Variants in TNS3 observed in about 807,000 individuals in gnomAD.
TNS3 encodes tensin-3.
In TNS3, 45 loss-of-function variants were observed where a neutral mutation model predicts 140.9. The observed-to-expected ratio is 0.32, with a 90% CI of 0.25 to 0.41. The LOEUF (loss-of-function observed/expected upper bound fraction) is 0.41. Ranked by LOEUF, TNS3 falls within the 10% of genes least tolerant of loss-of-function variation. The pLI, the probability that TNS3 is intolerant of heterozygous loss-of-function variation, is 1.00. For synonymous variants in TNS3, 815 were observed against 788.4 expected, an observed-to-expected ratio of 1.03 and a Z score of -0.56; for missense variants, 1,716 against 1,906.7, an observed-to-expected ratio of 0.90 and a Z score of 1.86.
At chr7:47,451,484 G>A (rs959718898) in intron 4 of TNS3, among the ~76,000 whole-genome samples, 4 of 152,150 alleles carry the variant, frequency 2.6e-5, no homozygotes, top group Non-Finnish European at 5.9e-5. Context: ...CAGAGGCTAA[G>A]GCAGGAAAAT....
At chr7:47,401,859 C>T (rs989730752) in intron 13 of TNS3, among the ~76,000 whole-genome samples, 1 of 152,248 alleles carries the variant, frequency 6.6e-6, no homozygotes, top group Non-Finnish European at 1.5e-5. Context: ...CCCCAGAAGG[C>T]CGAAGGCCCT....
intron 10 of TNS3, among the ~76,000 whole-genome samples, chr7:47,415,660 A>G (rs975569102): frequency 6.6e-6 from 1 of 152,214 alleles, no homozygotes; most frequent in Admixed American, 6.5e-5. Flanking sequence ...CTTTCTGCTC[A>G]TACTCGAGAG....
intron 4 of TNS3, among the ~76,000 whole-genome samples, chr7:47,445,422 A>C (rs1011148238): frequency 6.6e-6 from 1 of 152,188 alleles, no homozygotes; most frequent in African/African-American, 2.4e-5. Flanking sequence ...GGAATCCCAC[A>C]GTTAAGCTGC....
At chr7:47,487,550 C>T (rs1401387017) in intron 3 of TNS3, among the ~76,000 whole-genome samples, 1 of 152,028 alleles carries the variant, frequency 6.6e-6, no homozygotes. Context: ...ATGAAACGGG[C>T]GTTCCACAAA....
At chr7:47,353,807 A>G (rs145531008) in intron 17 of TNS3, among the ~76,000 whole-genome samples, 2,152 of 152,106 alleles carry the variant, frequency 0.014, 52 homozygotes, top group African/African-American at 0.049. Context: ...AAGGGGCCTC[A>G]CCCTACAACC....
chr7:47,296,128 C>A (rs1345205213), intron 24 of TNS3, among the ~76,000 whole-genome samples: 1 of 151,146 alleles, frequency 6.6e-6, no homozygotes, highest in East Asian at 1.9e-4. Flanking sequence ...AGCATGGTAG[C>A]ACACAAAGAT....
chr7:47,546,998 A>G (rs60912573), intron 1 of TNS3, among the ~76,000 whole-genome samples: 5,629 of 152,320 alleles, frequency 0.037, 353 homozygotes, highest in African/African-American at 0.13. Context: ...GAACACCCTG[A>G]GCTGTGGCCT....
chr7:47,413,990 C>T lies in TNS3; in HGVS notation c.594G>A (p.Arg198=). ...TPNFDTGGVC[R]PFLKLYQAMQ... is the part of the protein sequence containing the mutation. ...TGGCTTGGTAGAGCTTCAGAAAGGG[C>T]CGGCACACTGAAAGAAAGGCACAAC... is the stretch of plus-strand genomic sequence containing the variant. The change falls in exon 12 of 31, where the codon CGG becomes CGA. Residue 198 remains arginine, a synonymous_variant. Transcript: ENST00000311160. 6.2e-7 allele frequency: 1 copy of T among 1,613,758 alleles called. No homozygotes were observed. Among genetic ancestry groups the T allele is most frequent in the Non-Finnish European group, 8.5e-7 (1 of 1,179,936 alleles).
intron 1 of TNS3, among the ~76,000 whole-genome samples, chr7:47,561,693 A>C (rs1019112412): frequency 1.3e-5 from 2 of 152,186 alleles, no homozygotes; most frequent in Non-Finnish European, 2.9e-5. Context: ...TAGAATGAAA[A>C]ACATGGCCAC....
At chr7:47,376,939 C>T (rs548516401) in intron 16 of TNS3, among the ~76,000 whole-genome samples, 11 of 152,308 alleles carry the variant, frequency 7.2e-5, no homozygotes, top group African/African-American at 1.9e-4. Flanking sequence ...GTTAGTGGAT[C>T]GGGTGCTGTT....
chr7:47,329,716 G>A (rs1004210663), intron 20 of TNS3, among the ~76,000 whole-genome samples: 1 of 152,168 alleles, frequency 6.6e-6, no homozygotes, highest in Non-Finnish European at 1.5e-5. Context: ...TCCCGTGCCT[G>A]TCACTCCCCA....
chr7:47,410,080 C>T (rs1793683133), intron 13 of TNS3, among the ~76,000 whole-genome samples: 1 of 152,186 alleles, frequency 6.6e-6, no homozygotes, highest in African/African-American at 2.4e-5. Context: ...CAGGAAGTGT[C>T]CTGGGAGAAG....
At chr7:47,558,828 A>G (rs1435182629) in intron 1 of TNS3, among the ~76,000 whole-genome samples, 3 of 152,124 alleles carry the variant, frequency 2.0e-5, no homozygotes, top group Non-Finnish European at 4.4e-5. Flanking sequence ...TCCAAGTCCA[A>G]GCCCTCCTTG....
At chr7:47,337,930 T>A (rs185331163) in intron 20 of TNS3, among the ~76,000 whole-genome samples, 51 of 152,374 alleles carry the variant, frequency 3.3e-4, no homozygotes, top group Non-Finnish European at 1.5e-5. Context: ...AATTTTGCCA[T>A]GTAAAAAGTG....
In TNS3 at chr7:47,415,219, C is replaced by T. The variant is rs1475718435; in HGVS notation, c.474-13G>A. The T allele has an allele frequency of 6.3e-7, 1 of 1,588,726 alleles. No homozygotes were observed. The highest frequency in any genetic ancestry group is 8.6e-7 in the Non-Finnish European group (1 of 1,165,526). ...GAACTGAACATACCTGCAAAACGGACAGCTGGGTTACACTTCCCAGAAGTG... is the reference window on the plus strand; with the variant it reads ...GAACTGAACATACCTGCAAAACGGATAGCTGGGTTACACTTCCCAGAAGTG... On this transcript the variant is annotated splice_polypyrimidine_tract_variant and intron_variant, in intron 10 of 30. Transcript: ENST00000311160.
intron 4 of TNS3, among the ~76,000 whole-genome samples, chr7:47,464,153 C>G (rs182238968): frequency 6.6e-6 from 1 of 152,158 alleles, no homozygotes; most frequent in African/African-American, 2.4e-5. Context: ...GCTGCAGATG[C>G]CTTCTTCTAA....
chr7:47,364,425 G>A (rs1275280955), intron 17 of TNS3, among the ~76,000 whole-genome samples: 1 of 152,060 alleles, frequency 6.6e-6, no homozygotes, highest in African/African-American at 2.4e-5. Context: ...TGGAATTACA[G>A]GCATGCACCA....
chr7:47,512,950 G>C (rs142202330), intron 2 of TNS3, among the ~76,000 whole-genome samples: 1 of 152,088 alleles, frequency 6.6e-6, no homozygotes, highest in African/African-American at 2.4e-5. Context: ...CAACTTTTGC[G>C]TGACAAACAG....
chr7:47,327,383 G>A (rs1276353854), intron 20 of TNS3, among the ~76,000 whole-genome samples: 2 of 152,156 alleles, frequency 1.3e-5, no homozygotes, highest in African/African-American at 4.8e-5. Context: ...TGATCCTAAC[G>A]CTTGCTTTCG....
Sources: gnomAD v4.1 joint callset for allele counts (sites outside exome capture counted in the v4.1 genomes callset) on GRCh38, gnomAD v4.1.1 for gene constraint, MANE v1.5 for transcripts, NCBI Gene and HGNC (gene_info 2026-07-23, HGNC 2026-07-21) for gene names.